SUCLG2: variants seen among roughly 807,000 people sequenced by gnomAD.
SUCLG2 encodes succinate-CoA ligase GDP-forming subunit beta.
SUCLG2 carries 42 observed loss-of-function variants against 47.9 expected under a neutral mutation model. The ratio of observed to expected loss-of-function variants is 0.88; its 90% CI spans 0.69 to 1.14. The LOEUF (loss-of-function observed/expected upper bound fraction) is 1.14. Among genes scored for constraint, SUCLG2 ranks in the 50% most tolerant of loss-of-function variants. The pLI is 0.00. For synonymous variants in SUCLG2, 195 were observed against 197.3 expected (o/e 0.99, Z 0.10); for missense variants, 571 against 525.9 (o/e 1.09, Z -0.84).
At chr3:67,622,095 G>T (rs1700746213) in intron 1 of SUCLG2, among the ~76,000 whole-genome samples, 1 of 152,114 alleles carries the variant, frequency 6.6e-6, no homozygotes, top group African/African-American at 2.4e-5. Context: ...TTACAGAGAT[G>T]CTACATAGAA....
At chr3:67,525,417 G>A (rs1011142584) in intron 4 of SUCLG2, among the ~76,000 whole-genome samples, 2 of 152,060 alleles carry the variant, frequency 1.3e-5, no homozygotes, top group East Asian at 1.9e-4. Flanking sequence ...TATTGGTGGC[G>A]GGACAGCCAC....
chr3:67,611,899 A>G (rs1700533977), intron 1 of SUCLG2, among the ~76,000 whole-genome samples: 1 of 152,166 alleles, frequency 6.6e-6, no homozygotes, highest in African/African-American at 2.4e-5. Flanking sequence ...TAAATTGAAA[A>G]CCAGGACAAT....
intron 10 of SUCLG2, among the ~76,000 whole-genome samples, chr3:67,367,349 T>C (rs1222243422): frequency 6.6e-6 from 1 of 152,194 alleles, no homozygotes; most frequent in Non-Finnish European, 1.5e-5. Flanking sequence ...GTTTTCACAA[T>C]CATAGAACAT....
At chr3:67,482,973 T>C (rs1704956327) in intron 9 of SUCLG2, among the ~76,000 whole-genome samples, 2 of 152,128 alleles carry the variant, frequency 1.3e-5, no homozygotes, top group Admixed American at 6.6e-5. Flanking sequence ...GAGATAACAA[T>C]TAATGAAAAA....
At chr3:67,555,130 T>A (rs948638706) in intron 2 of SUCLG2, among the ~76,000 whole-genome samples, 1 of 151,950 alleles carries the variant, frequency 6.6e-6, no homozygotes, top group African/African-American at 2.4e-5. Context: ...GGAAATAATA[T>A]ATAGAGGATG....
At position 67,601,960 on chromosome 3, in the gene SUCLG2, C is replaced by T. The variant is rs150998716; in HGVS notation, c.226+7495G>A. On this transcript the variant is annotated intron_variant, in intron 2 of 10. Coordinates refer to ENST00000307227, the MANE Select transcript of SUCLG2 (RefSeq NM_003848.4). The stretch of plus-strand genomic sequence containing the variant: ...TCGCACCCCCCAACTCCAGCCGGGG[C>T]GACAGAGCAAAAGTGTCTCAAAAAA... 3.2e-3 allele frequency among the ~76,000 whole-genome samples: 491 copies of T among 151,168 alleles called. 4 individuals are homozygous for T. Among genetic ancestry groups the T allele is most frequent in the African/African-American group, 0.011 (466 of 40,998 alleles).
intron 10 of SUCLG2, among the ~76,000 whole-genome samples, chr3:67,392,564 G>A (rs1702414253): frequency 6.6e-6 from 1 of 152,152 alleles, no homozygotes; most frequent in Non-Finnish European, 1.5e-5. Flanking sequence ...GATAATGTGA[G>A]TAATTGAAAT....
intron 10 of SUCLG2, among the ~76,000 whole-genome samples, chr3:67,392,633 G>T (rs934585162): frequency 6.6e-6 from 1 of 152,174 alleles, no homozygotes; most frequent in African/African-American, 2.4e-5. Flanking sequence ...ATACACTTTA[G>T]GCAGGGGCAG....
chr3:67,521,095 T>C (rs1226727851), intron 4 of SUCLG2, among the ~76,000 whole-genome samples: 1 of 152,232 alleles, frequency 6.6e-6, no homozygotes, highest in African/African-American at 2.4e-5. Context: ...TGTGTATTTC[T>C]GTCTCTTCGA....
chr3:67,552,744 C>T (rs1707051370), intron 2 of SUCLG2, among the ~76,000 whole-genome samples: 1 of 152,164 alleles, frequency 6.6e-6, no homozygotes, highest in Non-Finnish European at 1.5e-5. Flanking sequence ...TGGGAGAATT[C>T]AAGGATGCAA....
At chr3:67,602,571 G>C (rs947374035) in intron 2 of SUCLG2, among the ~76,000 whole-genome samples, 1 of 152,054 alleles carries the variant, frequency 6.6e-6, no homozygotes, top group Non-Finnish European at 1.5e-5. Flanking sequence ...GAAGAAAAAA[G>C]AACATTTTAT....
chr3:67,418,988 A>C (rs1703094405), intron 9 of SUCLG2, among the ~76,000 whole-genome samples: 1 of 147,634 alleles, frequency 6.8e-6, no homozygotes, highest in Admixed American at 6.8e-5. Context: ...CATGGATTTA[A>C]AAAAAAAAAA....
chr3:67,596,772 A>G (rs1708303831), intron 2 of SUCLG2, among the ~76,000 whole-genome samples: 1 of 152,194 alleles, frequency 6.6e-6, no homozygotes, highest in Non-Finnish European at 1.5e-5. Flanking sequence ...GAGCCCTCTC[A>G]TGGTTTCCTT....
chr3:67,400,916 G>C, intron 9 of SUCLG2, 65 bp from the exon 10 acceptor site: 1 of 1,599,372 alleles, frequency 6.3e-7, no homozygotes, highest in Non-Finnish European at 8.5e-7. Flanking sequence ...AAAATAACTG[G>C]TTAAATAATA....
At chr3:67,613,890 A>G (rs1700577036) in intron 1 of SUCLG2, among the ~76,000 whole-genome samples, 1 of 152,160 alleles carries the variant, frequency 6.6e-6, no homozygotes, top group Non-Finnish European at 1.5e-5. Context: ...AGACAAGTAA[A>G]ATAGTGTCCC....
intron 10 of SUCLG2, among the ~76,000 whole-genome samples, chr3:67,378,441 G>C (rs1293622267): frequency 6.6e-6 from 1 of 152,210 alleles, no homozygotes; most frequent in Non-Finnish European, 1.5e-5. Context: ...AAGGAACTGA[G>C]GGCAAACTCT....
At chr3:67,386,265 T>G (rs1179835742) in intron 10 of SUCLG2, among the ~76,000 whole-genome samples, 1 of 151,256 alleles carries the variant, frequency 6.6e-6, no homozygotes, top group Non-Finnish European at 1.5e-5. Flanking sequence ...ATTTTTTTTT[T>G]TTTTTGTATT....
At position 67,474,887 on chromosome 3, in the gene SUCLG2, G is replaced by A. The variant is rs148566702; in HGVS notation, c.1062+20911C>T. On this transcript the variant is annotated intron_variant, in intron 9 of 10. Coordinates refer to ENST00000307227, the MANE Select transcript of SUCLG2 (RefSeq NM_003848.4). Reference sequence around the variant, plus strand: ...ATCTCTTTCTAGCTCTGGAGATAGTGGTCCCTACAACACCAACATAAGTAG... The same window carrying A: ...ATCTCTTTCTAGCTCTGGAGATAGTAGTCCCTACAACACCAACATAAGTAG... Among the ~76,000 whole-genome samples the A allele has an allele frequency of 9.9e-5, 15 of 152,052 alleles. No individual in the cohort carries two copies. The East Asian group carries it at 2.7e-3, about 27-fold the overall frequency.
chr3:67,412,041 A>C (rs1044472275), intron 9 of SUCLG2, among the ~76,000 whole-genome samples: 1 of 152,176 alleles, frequency 6.6e-6, no homozygotes, highest in East Asian at 1.9e-4. Context: ...ATTAAGTGTC[A>C]CTGTCACCAA....
Sources: allele counts gnomAD v4.1 joint callset (sites outside exome capture counted in the v4.1 genomes callset), GRCh38; gene constraint gnomAD v4.1.1; transcripts MANE v1.5; gene names NCBI Gene and HGNC (gene_info 2026-07-23, HGNC 2026-07-21).